Variants in CCNJL observed in about 807,000 individuals in gnomAD.
CCNJL encodes the protein cyclin J like, also known as cyclin-J-like protein.
In CCNJL, 33 loss-of-function variants were observed where a neutral mutation model predicts 33.4. That is an observed-to-expected ratio of 0.99 (90% CI 0.75 to 1.32). The LOEUF (loss-of-function observed/expected upper bound fraction) is 1.32, where lower values mean the gene tolerates loss of function less well. Ranked by LOEUF, CCNJL falls within the 40% of genes most tolerant of loss-of-function variation. The pLI is 0.00. For missense variants in CCNJL, 512 were observed against 499.7 expected, an observed-to-expected ratio of 1.02 and a Z score of -0.23; for synonymous variants, 227 against 220.9, an observed-to-expected ratio of 1.03 and a Z score of -0.24.
chr5:160,272,052 A>G (rs1032459748), intron 3 of CCNJL, among the ~76,000 whole-genome samples: 1 of 152,218 alleles, frequency 6.6e-6, no homozygotes, highest in African/African-American at 2.4e-5. Context: ...GCTGCCTACA[A>G]TTAGAGCCGT....
rs574583001 is a variant in CCNJL, at chr5:160,280,397, G to A, written c.280+128C>T. 2.7e-5 allele frequency: 20 copies of A among 736,190 alleles called. No homozygotes were observed. The Admixed American group carries it at 3.3e-4, about 12-fold the overall frequency. The allele number at this position is 736,190 out of a possible 1,614,324, so 45.6% of individuals were successfully genotyped here. ...TCTAAAAATGTTGATGCTAAAAAAC[G>A]CTCAGTGAAGGATGAACATATAAGA... On this transcript the variant is annotated intron_variant, in intron 3 of 5. Coordinates refer to ENST00000257536, the MANE Select transcript of CCNJL (RefSeq NM_001308173.3).
chr5:160,307,735 C>A (rs1473500841), intron 2 of CCNJL, among the ~76,000 whole-genome samples: 1 of 152,068 alleles, frequency 6.6e-6, no homozygotes, highest in Admixed American at 6.5e-5. Context: ...CCACCCCCAG[C>A]AGAAAGGTCA....
intron 2 of CCNJL, among the ~76,000 whole-genome samples, chr5:160,282,622 A>G (rs1161863123): frequency 6.6e-6 from 1 of 152,038 alleles, no homozygotes; most frequent in Non-Finnish European, 1.5e-5. Flanking sequence ...AAGGCAAACA[A>G]CCCAATTTAA....
chr5:160,292,516 G>A (rs1353936914), intron 2 of CCNJL, among the ~76,000 whole-genome samples: 1 of 152,024 alleles, frequency 6.6e-6, no homozygotes, highest in African/African-American at 2.4e-5. Context: ...AACTACTTGG[G>A]AGGATGAGGT....
intron 3 of CCNJL, among the ~76,000 whole-genome samples, chr5:160,269,993 T>A (rs1389544305): frequency 6.6e-6 from 1 of 152,152 alleles, no homozygotes. Flanking sequence ...AATTAGTAAA[T>A]CTGTGTAAAA....
intron 2 of CCNJL, among the ~76,000 whole-genome samples, chr5:160,306,322 T>G (rs1581009261): frequency 7.0e-6 from 1 of 143,472 alleles, no homozygotes; most frequent in African/African-American, 2.6e-5. Context: ...GTCCTCTGAG[T>G]GTGCAATGAA....
chr5:160,289,503 A>G (rs1762515348), intron 2 of CCNJL, among the ~76,000 whole-genome samples: 1 of 151,996 alleles, frequency 6.6e-6, no homozygotes, highest in African/African-American at 2.4e-5. Flanking sequence ...GGGAAACCCC[A>G]CTGTGACGTG....
At chr5:160,332,950 A>G (rs555164368) in intron 1 of CCNJL, among the ~76,000 whole-genome samples, 9 of 152,130 alleles carry the variant, frequency 5.9e-5, no homozygotes, top group Non-Finnish European at 1.3e-4. Flanking sequence ...TGCCAGGCAT[A>G]GAAGTGGATC....
At position 160,312,039 on chromosome 5, in the gene CCNJL, CCT is replaced by C; in HGVS notation, c.-49-69_-49-68del. 3.0e-6 allele frequency: 3 copies of C among 1,001,644 alleles called. No individual in the cohort carries two copies. In the Admixed American group the frequency reaches 5.9e-5, roughly 20 times the overall value. The allele number at this position is 1,001,644 out of a possible 1,614,324, so 62.0% of individuals were successfully genotyped here. On this transcript the variant is annotated intron_variant, in intron 1 of 5. Coordinates refer to ENST00000257536, the MANE Select transcript of CCNJL (RefSeq NM_001308173.3). ...GGGCTCCGACCCCCGGTGTCCCTATCCTCTCTCGCCCCTGGCCCCGGGCCCCG... is the reference window on the plus strand; with the variant it reads ...GGGCTCCGACCCCCGGTGTCCCTATCCTCTCGCCCCTGGCCCCGGGCCCCG...
At chr5:160,261,968 T>G (rs1171111420) in intron 3 of CCNJL, among the ~76,000 whole-genome samples, 1 of 152,192 alleles carries the variant, frequency 6.6e-6, no homozygotes, top group African/African-American at 2.4e-5. Flanking sequence ...AAACAGATAT[T>G]TTAGGCCATT....
intron 1 of CCNJL, among the ~76,000 whole-genome samples, chr5:160,322,720 A>T (rs1460277609): frequency 6.6e-6 from 1 of 151,136 alleles, no homozygotes; most frequent in Non-Finnish European, 1.5e-5. Flanking sequence ...AGCCTGGCCA[A>T]TATGGTGAAA....
intron 3 of CCNJL, 139 bp downstream of exon 3, chr5:160,280,386 T>C: frequency 1.4e-6 from 1 of 691,704 alleles, no homozygotes; most frequent in Non-Finnish European, 2.5e-6. Flanking sequence ...AAAATGTTGA[T>C]GCTAAAAAAC....
At chr5:160,321,003 T>C (rs1167205006) in intron 1 of CCNJL, among the ~76,000 whole-genome samples, 2 of 98,696 alleles carry the variant, frequency 2.0e-5, no homozygotes, top group Non-Finnish European at 1.8e-5. Flanking sequence ...TCTTTCTCTC[T>C]CTCTCTCTCT....
chr5:160,284,758 T>C (rs1465241000), intron 2 of CCNJL, among the ~76,000 whole-genome samples: 2 of 152,212 alleles, frequency 1.3e-5, no homozygotes, highest in Non-Finnish European at 2.9e-5. Context: ...TTACTTCTTC[T>C]CCCTTATGTT....
At chr5:160,305,819 T>C (rs1763078483) in intron 2 of CCNJL, among the ~76,000 whole-genome samples, 2 of 152,146 alleles carry the variant, frequency 1.3e-5, no homozygotes, top group South Asian at 2.1e-4. Flanking sequence ...AATAAGATAA[T>C]ATATGGGAGC....
At chr5:160,302,918 T>C (rs1009697430) in intron 2 of CCNJL, among the ~76,000 whole-genome samples, 2 of 152,232 alleles carry the variant, frequency 1.3e-5, no homozygotes, top group Non-Finnish European at 2.9e-5. Flanking sequence ...ACGTAATTTA[T>C]GCTTTCTTAT....
intron 2 of CCNJL, among the ~76,000 whole-genome samples, chr5:160,297,547 GT>G (rs1762785961): frequency 6.6e-6 from 1 of 151,002 alleles, no homozygotes; most frequent in Non-Finnish European, 1.5e-5. Context: ...GGGTGCAGTG[GT>G]TCACGCCTGT....
chr5:160,271,537 A>G (rs1254947814), intron 3 of CCNJL, among the ~76,000 whole-genome samples: 1 of 152,208 alleles, frequency 6.6e-6, no homozygotes, highest in South Asian at 2.1e-4. Context: ...TAAGCCTGCC[A>G]GTCTGCAGAG....
rs116329615 is a variant in CCNJL, at chr5:160,335,527, A to G, written n.206+3918T>C. On this transcript the variant is annotated intron_variant and non_coding_transcript_variant, in intron 1 of 7. Transcript: ENST00000377503. The stretch of plus-strand genomic sequence containing the variant: ...TCCATCTTGCTAAAGCCAATGGTCA[A>G]CACTTAGTCTGCATCATCTGATATG... Among the ~76,000 whole-genome samples the G allele has an allele frequency of 9.2e-3, 1,394 of 152,192 alleles. 19 individuals are homozygous for G. The highest frequency in any genetic ancestry group is 0.032 in the African/African-American group (1,308 of 41,516).
Sources: gnomAD v4.1 joint callset for allele counts (sites outside exome capture counted in the v4.1 genomes callset) on GRCh38, gnomAD v4.1.1 for gene constraint, MANE v1.5 for transcripts, NCBI Gene and HGNC (gene_info 2026-07-23, HGNC 2026-07-21) for gene names.